Variants in KCNT1 observed in about 807,000 individuals in gnomAD.
The protein encoded by KCNT1 is potassium sodium-activated channel subfamily T member 1, also known as potassium channel subfamily T member 1.
Under a neutral mutation model 147.8 loss-of-function variants are expected in KCNT1, and 78 were observed. The ratio of observed to expected loss-of-function variants is 0.53; its 90% CI spans 0.44 to 0.64. The LOEUF (loss-of-function observed/expected upper bound fraction) is 0.64, where lower values mean the gene tolerates loss of function less well. KCNT1 is among the 30% of genes least tolerant of loss of function. The pLI, the probability that KCNT1 is intolerant of heterozygous loss-of-function variation, is 0.00. For synonymous variants in KCNT1, 867 were observed against 748.8 expected, an observed-to-expected ratio of 1.16 and a Z score of -2.58; for missense variants, 1,419 against 1,750.3, an observed-to-expected ratio of 0.81 and a Z score of 3.38.
chr9:135,789,569 G>T lies in KCNT1; in HGVS notation c.3503-2228G>T, dbSNP rs182086514. 2.2e-3 allele frequency: 332 copies of T among 152,368 alleles called. 3 individuals carry two copies. The highest frequency in any genetic ancestry group is 2.4e-3 in the Non-Finnish European group (163 of 68,072). The allele number at this position is 152,368 out of a possible 1,614,324, so 9.4% of individuals were successfully genotyped here. A position where few individuals can be genotyped will look rare whatever the true frequency, so the allele number is the denominator to read the frequency against. ...CTAGTTATCCCCAGTTTATAGAGAA[G>T]GAAACTGAGGCTCGGGTGGCGGTAG... On this transcript the variant is annotated intron_variant, in intron 29 of 30. Coordinates refer to ENST00000371757, the MANE Select transcript of KCNT1 (RefSeq NM_020822.3).
At chr9:135,713,279 T>C (rs1235842502) in intron 1 of KCNT1, among the ~76,000 whole-genome samples, 1 of 152,260 alleles carries the variant, frequency 6.6e-6, no homozygotes, top group African/African-American at 2.4e-5. Flanking sequence ...AGGAAAAACA[T>C]GCAGCTACGC....
At chr9:135,712,636 CAGCTGTT>C (rs1486578794) in intron 1 of KCNT1, among the ~76,000 whole-genome samples, 1 of 152,136 alleles carries the variant, frequency 6.6e-6, no homozygotes, top group Non-Finnish European at 1.5e-5. Context: ...ACACGGGGAG[CAGCTGTT>C]TTGCTGCTGT....
Position 135,793,954 on chromosome 9 carries a change from C to T in KCNT1, c.*1793C>T, listed in dbSNP as rs145964581. The T allele has an allele frequency of 3.7e-3, 564 of 152,226 alleles. 5 individuals are homozygous for T. The highest frequency in any genetic ancestry group is 5.3e-3 in the African/African-American group (219 of 40,986). The allele number at this position is 152,226 out of a possible 1,614,324, so 9.4% of individuals were successfully genotyped here. A position where few individuals can be genotyped will look rare whatever the true frequency, so the allele number is the denominator to read the frequency against. On this transcript the variant is annotated 3_prime_UTR_variant, in exon 31 of 31. Transcript: ENST00000371757. ...AGCACGCCCTGCCCCGCAGTCACCC[C>T]GCCCCGCAGTCGCCCTGCAGCTGGA...
intron 10 of KCNT1, among the ~76,000 whole-genome samples, chr9:135,758,827 G>A (rs1203139602): frequency 6.6e-6 from 1 of 152,232 alleles, no homozygotes; most frequent in South Asian, 2.1e-4. Flanking sequence ...CTTGGCTGAG[G>A]CCCAGCTGAA....
chr9:135,718,274 C>T (rs1161790447), intron 2 of KCNT1, among the ~76,000 whole-genome samples: 1 of 152,220 alleles, frequency 6.6e-6, no homozygotes, highest in African/African-American at 2.4e-5. Context: ...TCACAGGAGC[C>T]GTGTGAGGTG....
At chr9:135,734,838 C>G (rs1830270423) in intron 2 of KCNT1, among the ~76,000 whole-genome samples, 1 of 152,196 alleles carries the variant, frequency 6.6e-6, no homozygotes, top group Non-Finnish European at 1.5e-5. Context: ...CCTCCCCGCC[C>G]CAGGGTGACC....
At chr9:135,719,760 C>G (rs1412098299) in intron 2 of KCNT1, among the ~76,000 whole-genome samples, 1 of 152,174 alleles carries the variant, frequency 6.6e-6, no homozygotes, top group Admixed American at 6.5e-5. Context: ...TTGGGCCACC[C>G]CAAGCTGAGT....
chr9:135,728,850 C>T (rs1836320827), intron 2 of KCNT1, among the ~76,000 whole-genome samples: 1 of 152,196 alleles, frequency 6.6e-6, no homozygotes, highest in Admixed American at 6.5e-5. Context: ...AGGCGGGTCC[C>T]CCAGGATTTC....
intron 29 of KCNT1, chr9:135,787,994 T>G: frequency 2.5e-6 from 2 of 811,882 alleles, no homozygotes; most frequent in Non-Finnish European, 4.3e-6. Context: ...CGGCCTCCCG[T>G]GCAGCTGCCC....
intron 2 of KCNT1, among the ~76,000 whole-genome samples, chr9:135,740,683 C>T (rs1323283206): frequency 6.6e-6 from 1 of 152,248 alleles, no homozygotes; most frequent in African/African-American, 2.4e-5. Flanking sequence ...GCTTCGGGTG[C>T]AGGTTCTGTT....
At position 135,784,769 on chromosome 9, in the gene KCNT1, C is replaced by T. The variant is rs201120894; in HGVS notation, c.3036C>T (p.Ile1012=). Residue 1012 remains isoleucine, a synonymous_variant, in exon 27 of 31, where the codon ATC becomes ATT. Transcript: ENST00000371757. ...GGGTTCCCACCCTGCAGATGAAAAT[C>T]ACCGAGGGCGACCTGTGGATCCGCA... ...PGSGYLCAMK[I]TEGDLWIRTY... 6.1e-5 allele frequency: 98 copies of T among 1,612,480 alleles called. No homozygotes were observed. The highest frequency in any genetic ancestry group is 4.9e-4 in the Middle Eastern group (3 of 6,080).
intron 2 of KCNT1, among the ~76,000 whole-genome samples, chr9:135,721,209 C>G (rs1835909721): frequency 6.6e-6 from 1 of 152,200 alleles, no homozygotes; most frequent in South Asian, 2.1e-4. Flanking sequence ...GCCTCGAAGC[C>G]ACTCCGCTCC....
At chr9:135,753,794 T>G (rs1476578983) in intron 4 of KCNT1, 143 bp from the exon 5 acceptor site, 2 of 765,906 alleles carry the variant, frequency 2.6e-6, no homozygotes, top group Admixed American at 3.8e-5. Flanking sequence ...CTCCCAGGTG[T>G]TAGAGCTCTG....
intron 3 of KCNT1, chr9:135,750,463 C>T: frequency 1.9e-6 from 1 of 521,430 alleles, no homozygotes; most frequent in Non-Finnish European, 3.5e-6. Context: ...CTGGGTGGGG[C>T]AGGACCATCC....
At chr9:135,704,484 C>T (rs1293580372) in intron 1 of KCNT1, among the ~76,000 whole-genome samples, 3 of 152,108 alleles carry the variant, frequency 2.0e-5, no homozygotes, top group Non-Finnish European at 4.4e-5. Context: ...AGGCTCCCTG[C>T]TCCCACCTCC....
rs993844912 is a variant in KCNT1, at chr9:135,752,150, C to T, written c.434+1109C>T. ...GGTGTGGTTGTCACCATCCAGCCAT[C>T]GGGGTGAACCCTGCCAGCATGCTGG... On this transcript the variant is annotated intron_variant, in intron 4 of 30. Coordinates refer to ENST00000371757, the MANE Select transcript of KCNT1 (RefSeq NM_020822.3). The surrounding 1 kb of genome is among the most constrained non-coding windows in gnomAD (Gnocchi z 5.1). 21 of 340,396 alleles carry T rather than the reference C, an allele frequency of 6.2e-5. No individual in the cohort carries two copies. The highest frequency in any genetic ancestry group is 1.1e-4 in the Non-Finnish European group (19 of 171,794). The allele number at this position is 340,396 out of a possible 1,614,324, so 21.1% of individuals were successfully genotyped here.
intron 9 of KCNT1, among the ~76,000 whole-genome samples, chr9:135,758,160 C>T (rs541138955): frequency 1.9e-4 from 28 of 151,162 alleles, no homozygotes; most frequent in African/African-American, 5.1e-4. Context: ...TGGGCCTCAG[C>T]CGAGACACAG....
chr9:135,725,880 C>T (rs1836117315), intron 2 of KCNT1, among the ~76,000 whole-genome samples: 1 of 152,152 alleles, frequency 6.6e-6, no homozygotes, highest in African/African-American at 2.4e-5. Context: ...GAAAAGAGGC[C>T]CCCTCCCACC....
chr9:135,725,189 G>A (rs57301472), intron 2 of KCNT1, among the ~76,000 whole-genome samples: 2 of 112,462 alleles, frequency 1.8e-5, no homozygotes, highest in African/African-American at 3.3e-5. Flanking sequence ...CACAGCTGCC[G>A]GGGGGGACCT....
Sources: gnomAD v4.1 joint callset for allele counts (sites outside exome capture counted in the v4.1 genomes callset) on GRCh38, gnomAD v4.1.1 for gene constraint, Gnocchi (gnomAD v3.1) non-coding constraint, MANE v1.5 for transcripts, NCBI Gene and HGNC (gene_info 2026-07-23, HGNC 2026-07-21) for gene names.